The following SND1 variants were observed in gnomAD, a reference collection of about 807,000 sequenced individuals.
SND1 encodes the protein staphylococcal nuclease domain-containing protein 1.
Under a neutral mutation model 121.7 loss-of-function variants are expected in SND1, and 38 were observed. That is an observed-to-expected ratio of 0.31 (90% CI 0.24 to 0.41). The LOEUF is 0.41. Among genes scored for constraint, SND1 ranks in the 10% least tolerant of loss-of-function variants. SND1 has a pLI of 1.00. For missense variants in SND1, 868 were observed against 1,184.6 expected, an observed-to-expected ratio of 0.73 and a Z score of 3.92; for synonymous variants, 401 against 447.4, an observed-to-expected ratio of 0.90 and a Z score of 1.31.
At chr7:127,680,025 T>C (rs933093926) in intron 1 of SND1, among the ~76,000 whole-genome samples, 3 of 151,880 alleles carry the variant, frequency 2.0e-5, no homozygotes, top group Non-Finnish European at 4.4e-5. Flanking sequence ...GTTTGAGAAA[T>C]AAAGGGACAG....
At chr7:127,956,190 T>A (rs1310924379) in intron 15 of SND1, among the ~76,000 whole-genome samples, 1 of 152,222 alleles carries the variant, frequency 6.6e-6, no homozygotes, top group Non-Finnish European at 1.5e-5. Flanking sequence ...TTGTAGCAGA[T>A]GTTGCATCTG....
intron 1 of SND1, among the ~76,000 whole-genome samples, chr7:127,676,604 G>C (rs184316240): frequency 5.3e-5 from 8 of 152,236 alleles, no homozygotes; most frequent in African/African-American, 1.9e-4. Context: ...ATAGAGATTT[G>C]GACATAGGTA....
intron 15 of SND1, among the ~76,000 whole-genome samples, chr7:127,989,861 T>C (rs1242319199): frequency 6.6e-6 from 1 of 152,256 alleles, no homozygotes; most frequent in Admixed American, 6.5e-5. Context: ...AAATGTAGCA[T>C]ATTTCATGGT....
intron 10 of SND1, among the ~76,000 whole-genome samples, chr7:127,739,750 G>T (rs561314587): frequency 6.6e-6 from 1 of 152,192 alleles, no homozygotes; most frequent in African/African-American, 2.4e-5. Flanking sequence ...TGCCCTGGAA[G>T]CCTATTTCTT....
intron 12 of SND1, among the ~76,000 whole-genome samples, chr7:127,869,001 G>A (rs573529204): frequency 1.3e-5 from 2 of 152,220 alleles, no homozygotes; most frequent in Admixed American, 1.3e-4. Flanking sequence ...TCCAATGGGG[G>A]CAATCAGATA....
chr7:127,858,531 A>G (rs546471226), intron 12 of SND1: 26 of 471,030 alleles, frequency 5.5e-5, no homozygotes, highest in African/African-American at 4.9e-4. Flanking sequence ...TATGCAGTGC[A>G]GATCTAAAGC....
chr7:127,828,769 A>G (rs893771442), intron 11 of SND1, among the ~76,000 whole-genome samples: 2 of 152,348 alleles, frequency 1.3e-5, no homozygotes, highest in East Asian at 3.9e-4. Context: ...GAGCAAACAC[A>G]ATTCTTCTAT....
At chr7:127,839,994 C>T (rs1563031483) in intron 11 of SND1, among the ~76,000 whole-genome samples, 1 of 152,208 alleles carries the variant, frequency 6.6e-6, no homozygotes, top group African/African-American at 2.4e-5. Flanking sequence ...CTTCCCACTT[C>T]AAGGGTATCC....
intron 10 of SND1, among the ~76,000 whole-genome samples, chr7:127,780,217 G>T (rs1797695589): frequency 6.6e-6 from 1 of 152,106 alleles, no homozygotes; most frequent in South Asian, 2.1e-4. Context: ...TGTTAGTTTT[G>T]GTTTCTTATG....
At chr7:127,711,581 G>A (rs532776217) in intron 9 of SND1, among the ~76,000 whole-genome samples, 14 of 152,080 alleles carry the variant, frequency 9.2e-5, no homozygotes, top group Middle Eastern at 3.4e-3. Context: ...GATGCACTTT[G>A]TTTATCTATA....
At chr7:127,898,929 CTG>C (rs1436825993) in intron 13 of SND1, among the ~76,000 whole-genome samples, 1 of 152,150 alleles carries the variant, frequency 6.6e-6, no homozygotes, top group Admixed American at 6.6e-5. Flanking sequence ...GATCATGAAA[CTG>C]TGTATCTGGG....
At chr7:127,653,802 A>G (rs570101840) in intron 1 of SND1, among the ~76,000 whole-genome samples, 1 of 152,364 alleles carries the variant, frequency 6.6e-6, no homozygotes, top group South Asian at 2.1e-4. Flanking sequence ...TGGGATTTTC[A>G]GTACTGCCTT....
At chr7:127,703,131 G>A (rs1562984117) in intron 6 of SND1, 34 bp from the exon 7 acceptor site, 1 of 1,613,380 alleles carries the variant, frequency 6.2e-7, no homozygotes, top group East Asian at 2.2e-5. Flanking sequence ...TCACATTTAG[G>A]CTGCATTACT....
intron 11 of SND1, among the ~76,000 whole-genome samples, chr7:127,809,993 T>C: frequency 6.6e-6 from 1 of 152,214 alleles, no homozygotes; most frequent in East Asian, 1.9e-4. Context: ...TATGAGAATA[T>C]AGGATGATGG....
intron 16 of SND1, among the ~76,000 whole-genome samples, chr7:128,017,403 C>T (rs1214784297): frequency 1.3e-5 from 2 of 152,226 alleles, no homozygotes; most frequent in African/African-American, 4.8e-5. Flanking sequence ...AACTATTAAT[C>T]ACCCAGGAAG....
At chr7:128,031,283 C>T (rs1488708632) in intron 16 of SND1, among the ~76,000 whole-genome samples, 2 of 152,008 alleles carry the variant, frequency 1.3e-5, no homozygotes, top group Non-Finnish European at 2.9e-5. Flanking sequence ...GGCGCTTCAT[C>T]GCCAAAGTGC....
At chr7:128,062,731 C>T (rs1221603152) in intron 16 of SND1, among the ~76,000 whole-genome samples, 4 of 152,184 alleles carry the variant, frequency 2.6e-5, no homozygotes, top group Admixed American at 2.0e-4. Flanking sequence ...CCTTCCCACC[C>T]TGACATGGGA....
intron 11 of SND1, among the ~76,000 whole-genome samples, chr7:127,829,213 CT>C (rs1798696094): frequency 6.6e-6 from 1 of 152,180 alleles, no homozygotes; most frequent in Admixed American, 6.5e-5. Flanking sequence ...ATCCTGCCCC[CT>C]GCCCCCTCCC....
chr7:127,722,776 G>T (rs1562991162), intron 10 of SND1, among the ~76,000 whole-genome samples: 1 of 152,126 alleles, frequency 6.6e-6, no homozygotes, highest in Non-Finnish European at 1.5e-5. Context: ...CAGGATGGGT[G>T]ATTTGAATGT....
Sources: allele counts gnomAD v4.1 joint callset (sites outside exome capture counted in the v4.1 genomes callset), GRCh38; gene constraint gnomAD v4.1.1; transcripts MANE v1.5; gene names NCBI Gene and HGNC (gene_info 2026-07-23, HGNC 2026-07-21).